Variants in MROH2A observed in about 807,000 individuals in gnomAD.
MROH2A encodes the protein maestro heat-like repeat-containing protein family member 2A.
MROH2A carries 174 observed loss-of-function variants against 200.4 expected under a neutral mutation model. The observed-to-expected ratio is 0.87, with a 90% confidence interval of 0.77 to 0.98. The LOEUF is 0.98. Among genes scored for constraint, MROH2A ranks in the 50% least tolerant of loss-of-function variants. The pLI, the probability that MROH2A is intolerant of heterozygous loss-of-function variation, is 0.00. For synonymous variants in MROH2A, 829 were observed against 840.4 expected, an observed-to-expected ratio of 0.99 and a Z score of 0.23; for missense variants, 2,045 against 2,139.6, an observed-to-expected ratio of 0.96 and a Z score of 0.87.
chr2:233,778,910 C>A (rs1207993917), intron 1 of MROH2A, among the ~76,000 whole-genome samples: 1 of 152,206 alleles, frequency 6.6e-6, no homozygotes, highest in Non-Finnish European at 1.5e-5. Flanking sequence ...TGTTTAGGGT[C>A]TCAGAGACTG....
chr2:233,798,927 G>A (rs1032800144), intron 12 of MROH2A, 77 bp downstream of exon 12: 1 of 1,189,150 alleles, frequency 8.4e-7, no homozygotes, highest in Admixed American at 2.0e-5. Flanking sequence ...CTGGGCTCTG[G>A]GAGGCAGAGG....
At chr2:233,789,431 A>G in intron 3 of MROH2A, 66 bp from the exon 4 acceptor site, 1 of 1,301,892 alleles carries the variant, frequency 7.7e-7, no homozygotes, top group Non-Finnish European at 9.8e-7. Context: ...GGACAGTGGG[A>G]GAGAGAGGTG....
rs1447744536 is a variant in MROH2A, at chr2:233,779,778, A to G, written c.202A>G (p.Ile68Val). Residue 68 changes from isoleucine to valine, a missense_variant, in exon 3 of 42, where the codon ATA becomes GTA. Ile to Val is a conservative substitution (Grantham distance 29). Transcript: ENST00000389758. ...CATGCGGAAGACCCTGGCCTCGGTG[A>G]TAATCATGGAGAAGGCCACCACTGA... The part of the protein sequence containing the change: ...LDMRKTLASV[I>V]IMEKATTEPS... 2 of 1,550,850 alleles carry G rather than the reference A, an allele frequency of 1.3e-6. No individual in the cohort carries two copies. The highest frequency in any genetic ancestry group is 2.0e-5 in the Admixed American group (1 of 51,012).
At chr2:233,793,164 G>T (rs1450437863) in intron 6 of MROH2A, among the ~76,000 whole-genome samples, 1 of 152,238 alleles carries the variant, frequency 6.6e-6, no homozygotes, top group East Asian at 1.9e-4. Flanking sequence ...TTGTAATTAA[G>T]CACTTCAGTT....
At chr2:233,818,814 G>A in intron 29 of MROH2A, 44 bp downstream of exon 29, 2 of 1,322,036 alleles carry the variant, frequency 1.5e-6, no homozygotes, top group Non-Finnish European at 2.1e-6. Context: ...CTGGTCTCAG[G>A]GCCCTTGGCC....
chr2:233,822,579 C>G, intron 33 of MROH2A, 23 bp downstream of exon 33: 1 of 1,543,572 alleles, frequency 6.5e-7, no homozygotes, highest in Non-Finnish European at 8.7e-7. Flanking sequence ...GCGGTGGGTG[C>G]AAGGCAGCAG....
chr2:233,790,370 T>C (rs1054969030), intron 5 of MROH2A, among the ~76,000 whole-genome samples: 1 of 143,440 alleles, frequency 7.0e-6, no homozygotes, highest in African/African-American at 2.6e-5. Context: ...CCCCTTTTTC[T>C]CCTTCTTCCC....
At chr2:233,796,808 T>C (rs1702140806) in intron 11 of MROH2A, among the ~76,000 whole-genome samples, 1 of 152,188 alleles carries the variant, frequency 6.6e-6, no homozygotes, top group African/African-American at 2.4e-5. Context: ...AGGTACATAA[T>C]GGTTAGAAGA....
chr2:233,826,277 A>G (rs1704302903), intron 35 of MROH2A, among the ~76,000 whole-genome samples: 1 of 152,196 alleles, frequency 6.6e-6, no homozygotes, highest in Admixed American at 6.5e-5. Flanking sequence ...AATTCTAAGC[A>G]AAAAGAACAA....
Position 233,793,022 on chromosome 2 carries a change from T to G in MROH2A, c.670+128T>G, listed in dbSNP as rs1408598143. 3.2e-6 allele frequency: 3 copies of G among 940,536 alleles called. No individual in the cohort carries two copies. In the African/African-American group the frequency reaches 5.0e-5, roughly 16 times the overall value. 58.3% of individuals were successfully genotyped at this position (940,536 alleles called of 1,614,324 possible). ...TGTTCACTTGTTCTCCAAAGGAGTT[T>G]GCTTAATCTTTTACTTCGTGTGGCC... On this transcript the variant is annotated intron_variant, in intron 6 of 41. Transcript: ENST00000389758.
rs1450160447 is a variant in MROH2A at position 233,822,515 on chromosome 2, G to T, written c.3825G>T (p.Leu1275=). ...CGCCGGTCTTGAAGATGTGGAAGCT[G>T]GTCCACACCACTCCTCTGCCGGAGG... ...AAPPVLKMWK[L]VHTTPLPEEM... is the part of the protein sequence containing the mutation. Residue 1275 remains leucine, a synonymous_variant, in exon 33 of 42, where the codon CTG becomes CTT. Transcript: ENST00000389758. The T allele has an allele frequency of 6.4e-7, 1 of 1,550,552 alleles. No homozygotes were observed. The highest frequency in any genetic ancestry group is 2.4e-5 in the East Asian group (1 of 40,918).
rs571810722 is a variant in MROH2A at position 233,829,498 on chromosome 2, C to T, written c.4447-122C>T. On this transcript the variant is annotated intron_variant, in intron 37 of 41. Coordinates refer to ENST00000389758, the MANE Select transcript of MROH2A (RefSeq NM_001394639.1). Reference sequence around the variant, plus strand: ...TCCCTGCCAAAGGAGAGACTACACCCTGACGGAATGATCCAGAAGGCTCTG... The same window carrying T: ...TCCCTGCCAAAGGAGAGACTACACCTTGACGGAATGATCCAGAAGGCTCTG... The T allele has an allele frequency of 1.0e-5, 10 of 989,014 alleles. No homozygotes were observed. In the Admixed American group the frequency reaches 1.1e-4, roughly 11 times the overall value. The allele number at this position is 989,014 out of a possible 1,614,324, so 61.3% of individuals were successfully genotyped here.
Position 233,822,260 on chromosome 2 carries a change from C to T in MROH2A, c.3649C>T (p.Leu1217=), listed in dbSNP as rs1290645254. Residue 1217 remains leucine (L), a synonymous_variant, in exon 32 of 42, where the codon CTG becomes TTG. Transcript: ENST00000389758. ...SATSKADIWR[L]AAVDPLMTLC... is the part of the protein sequence containing the mutation. ...CACCTCCAAGGCTGACATCTGGCGC[C>T]TGGCTGCGGTGGACCCCCTGATGGT... The T allele has an allele frequency of 1.3e-6, 2 of 1,547,636 alleles. No homozygotes were observed. Among genetic ancestry groups the T allele is most frequent in the Admixed American group, 3.9e-5 (2 of 51,002 alleles).
intron 15 of MROH2A, 32 bp from the exon 16 acceptor site, chr2:233,803,416 G>A: frequency 1.3e-6 from 2 of 1,550,320 alleles, no homozygotes; most frequent in Non-Finnish European, 8.7e-7. Context: ...AAGCCAGGAA[G>A]GCTCAGCTGG....
At chr2:233,794,959 T>A (rs28899490) in intron 8 of MROH2A, among the ~76,000 whole-genome samples, 7,701 of 152,232 alleles carry the variant, frequency 0.051, 645 homozygotes, top group African/African-American at 0.17. Flanking sequence ...GTTCTGTGAC[T>A]GTGGCAGCAT....
At chr2:233,797,398 T>G (rs528382846) in intron 11 of MROH2A, among the ~76,000 whole-genome samples, 1 of 152,350 alleles carries the variant, frequency 6.6e-6, no homozygotes, top group Admixed American at 6.5e-5. Context: ...AGAAACAGCC[T>G]AAATGTTTTT....
In MROH2A at chr2:233,828,345, T is replaced by C. The variant is rs1447359355; in HGVS notation, c.4114-285T>C. ...ATGCAGGTGGGCGTGGCTCTTGCAT[T>C]TGGCAGTGGCTGTTATGTTACCTGA... On this transcript the variant is annotated intron_variant, in intron 35 of 41. Transcript: ENST00000389758. This position sits in a 1 kb window ranked among gnomAD's most constrained non-coding sequence, Gnocchi z 4.6. Among the ~76,000 whole-genome samples the C allele has an allele frequency of 2.0e-5, 3 of 152,238 alleles. No homozygotes were observed. The East Asian group carries it at 5.8e-4, about 29-fold the overall frequency.
In MROH2A at chr2:233,795,770, C is replaced by G. The variant is rs1393475789; in HGVS notation, c.1059+25C>G. ...GGTGAGGCCAGCAAGCTCAGCTGGA[C>G]AAGGGCATTCTCTGGGTGGATCAGC... On this transcript the variant is annotated intron_variant, in intron 9 of 41. Coordinates refer to ENST00000389758, the MANE Select transcript of MROH2A (RefSeq NM_001394639.1). 2.6e-6 allele frequency: 4 copies of G among 1,550,784 alleles called. No homozygotes were observed. In the Admixed American group the frequency reaches 7.8e-5, roughly 30 times the overall value.
At chr2:233,789,355 G>T in intron 3 of MROH2A, 142 bp from the exon 4 acceptor site, 1 of 875,950 alleles carries the variant, frequency 1.1e-6, no homozygotes, top group Middle Eastern at 3.3e-4. Context: ...GGAGGATTTA[G>T]AAATGGAGGA....
Sources: gnomAD v4.1 joint callset for allele counts (sites outside exome capture counted in the v4.1 genomes callset) on GRCh38, gnomAD v4.1.1 for gene constraint, Gnocchi (gnomAD v3.1) non-coding constraint, MANE v1.5 for transcripts, NCBI Gene and HGNC (gene_info 2026-07-23, HGNC 2026-07-21) for gene names.